Variants in MTA3 observed in about 807,000 individuals in gnomAD.
MTA3 encodes metastasis-associated protein MTA3.
A neutral mutation model predicts 83.5 loss-of-function variants in MTA3; 34 were observed. That is an observed-to-expected ratio of 0.41 (90% CI 0.31 to 0.54). MTA3 has a LOEUF of 0.54. MTA3 is among the 20% of genes least tolerant of loss of function. The pLI is 0.33. For synonymous variants in MTA3, 303 were observed against 252.7 expected (o/e 1.20, Z -1.89); for missense variants, 761 against 726.4 (o/e 1.05, Z -0.55).
intron 2 of MTA3, among the ~76,000 whole-genome samples, chr2:42,500,925 C>T (rs563717850): frequency 6.6e-6 from 1 of 151,924 alleles, no homozygotes; most frequent in South Asian, 2.1e-4. Flanking sequence ...ATTCTCCTGC[C>T]TCAGCCTCCC....
chr2:42,601,588 A>T (rs377179818), intron 3 of MTA3, among the ~76,000 whole-genome samples: 1 of 152,092 alleles, frequency 6.6e-6, no homozygotes. Flanking sequence ...AGGTGTTACT[A>T]TATTGCTCAG....
intron 14 of MTA3, among the ~76,000 whole-genome samples, chr2:42,711,450 G>A (rs909006709): frequency 1.3e-5 from 2 of 152,172 alleles, no homozygotes; most frequent in African/African-American, 4.8e-5. Context: ...CTATCTGGAT[G>A]AAATTCAGAG....
At chr2:42,660,026 C>G (rs1344184238) in intron 8 of MTA3, among the ~76,000 whole-genome samples, 164 bp downstream of exon 8, 1 of 151,540 alleles carries the variant, frequency 6.6e-6, no homozygotes, top group African/African-American at 2.4e-5. Flanking sequence ...TATGATAACA[C>G]TCGTCTGTGA....
chr2:42,745,449 C>T (rs1319240803), intron 16 of MTA3, among the ~76,000 whole-genome samples: 1 of 152,106 alleles, frequency 6.6e-6, no homozygotes, highest in Admixed American at 6.6e-5. Flanking sequence ...CTGGACTGGC[C>T]CTCTGATTTT....
intron 9 of MTA3, among the ~76,000 whole-genome samples, chr2:42,683,430 AC>A (rs575699265): frequency 1.7e-3 from 256 of 152,272 alleles, no homozygotes; most frequent in Non-Finnish European, 2.9e-3. Context: ...GGCACCAAGG[AC>A]CAGTTTTGTG....
chr2:42,693,322 A>T (rs1417279450), intron 9 of MTA3, among the ~76,000 whole-genome samples: 1 of 152,174 alleles, frequency 6.6e-6, no homozygotes, highest in Non-Finnish European at 1.5e-5. Context: ...CCTTCCCTTC[A>T]GGGTAGTGAG....
intron 2 of MTA3, among the ~76,000 whole-genome samples, chr2:42,537,129 A>G (rs867773168): frequency 3.3e-5 from 5 of 152,118 alleles, no homozygotes; most frequent in Non-Finnish European, 5.9e-5. Context: ...CACATTCTAC[A>G]CCTGTTAGGA....
At chr2:42,594,705 C>CATATATATATATATATATAT (rs1167117095) in intron 3 of MTA3, among the ~76,000 whole-genome samples, 34 of 46,508 alleles carry the variant, frequency 7.3e-4, no homozygotes, top group East Asian at 4.0e-3. Context: ...TATAAATATA[C>CATATATATATATATATATAT]ATATATATAT....
chr2:42,656,174 A>G, intron 6 of MTA3, 26 bp from the exon 7 acceptor site: 1 of 1,539,976 alleles, frequency 6.5e-7, no homozygotes. Context: ...CAGTAACAAG[A>G]CTCCATTTTA....
intron 5 of MTA3, among the ~76,000 whole-genome samples, chr2:42,643,034 TCC>T (rs10533235): frequency 0.61 from 74,716 of 123,374 alleles, 22,317 homozygotes; most frequent in South Asian, 0.79. Context: ...TATTGGTGTC[TCC>T]CCCCCCCCCC....
chr2:42,723,880 T>A (rs559748173), intron 16 of MTA3, among the ~76,000 whole-genome samples: 1 of 152,334 alleles, frequency 6.6e-6, no homozygotes, highest in South Asian at 2.1e-4. Context: ...CTAATAATAA[T>A]TTCCTATGGT....
At chr2:42,624,587 A>G (rs1008979046) in intron 4 of MTA3, among the ~76,000 whole-genome samples, 9 of 152,088 alleles carry the variant, frequency 5.9e-5, no homozygotes, top group African/African-American at 1.9e-4. Context: ...CGGCCTCCCA[A>G]ATTGCTGGGA....
intron 2 of MTA3, among the ~76,000 whole-genome samples, chr2:42,509,672 G>C (rs1178289103): frequency 2.0e-5 from 3 of 152,052 alleles, no homozygotes; most frequent in Non-Finnish European, 4.4e-5. Context: ...TTGGGAGGCT[G>C]AGGTGGGAGG....
intron 2 of MTA3, among the ~76,000 whole-genome samples, chr2:42,517,712 T>C (rs1165600769): frequency 6.6e-6 from 1 of 151,054 alleles, no homozygotes. Flanking sequence ...ACCCTGTCTC[T>C]ACTAAAAATA....
chr2:42,524,563 A>G (rs535959156), intron 2 of MTA3, among the ~76,000 whole-genome samples: 1 of 139,358 alleles, frequency 7.2e-6, no homozygotes, highest in South Asian at 2.3e-4. Context: ...TGACCTCGTG[A>G]TCTGCCCATC....
chr2:42,756,480 G>GT lies in MTA3; in HGVS notation c.*3082dup. On this transcript the variant is annotated 3_prime_UTR_variant, in exon 17 of 17. Transcript: ENST00000405094. The stretch of plus-strand genomic sequence containing the variant: ...TGAGGGCAAGCAGGTGGGGCTGTGC[G>GT]TGGCCTCAGTGCACTCGGTGTCATG... The GT allele has an allele frequency of 1.0e-6, 1 of 985,576 alleles. No homozygotes were observed. Among genetic ancestry groups the GT allele is most frequent in the East Asian group, 1.1e-4 (1 of 8,820 alleles). The allele number at this position is 985,576 out of a possible 1,614,324, so 61.1% of individuals were successfully genotyped here.
intron 14 of MTA3, among the ~76,000 whole-genome samples, chr2:42,712,407 C>T (rs1666699744): frequency 6.6e-6 from 1 of 152,032 alleles, no homozygotes; most frequent in African/African-American, 2.4e-5. Flanking sequence ...AAGTGATCCT[C>T]TTGGCTTCTG....
At chr2:42,727,754 T>C (rs995564652) in intron 16 of MTA3, among the ~76,000 whole-genome samples, 1 of 152,188 alleles carries the variant, frequency 6.6e-6, no homozygotes, top group Non-Finnish European at 1.5e-5. Flanking sequence ...CAGATGACAT[T>C]TGCCTTACAG....
chr2:42,608,894 T>G (rs1414285499), intron 3 of MTA3, among the ~76,000 whole-genome samples: 1 of 151,974 alleles, frequency 6.6e-6, no homozygotes, highest in Non-Finnish European at 1.5e-5. Context: ...GAAAAAAAAG[T>G]GAATTAATTT....
Sources: allele counts gnomAD v4.1 joint callset (sites outside exome capture counted in the v4.1 genomes callset), GRCh38; gene constraint gnomAD v4.1.1; transcripts MANE v1.5; gene names NCBI Gene and HGNC (gene_info 2026-07-23, HGNC 2026-07-21).